Variants in LRRTM4 observed in about 807,000 individuals in gnomAD.
LRRTM4 encodes the protein leucine-rich repeat transmembrane neuronal protein 4.
In LRRTM4, 25 loss-of-function variants were observed where a neutral mutation model predicts 47.6. The observed-to-expected ratio is 0.53, with a 90% CI of 0.38 to 0.73. The LOEUF (loss-of-function observed/expected upper bound fraction) is 0.73. Ranked by LOEUF, LRRTM4 falls within the 30% of genes least tolerant of loss-of-function variation. The pLI is 0.00. For synonymous variants in LRRTM4, 311 were observed against 269.5 expected, an observed-to-expected ratio of 1.15 and a Z score of -1.51; for missense variants, 638 against 713.4, an observed-to-expected ratio of 0.89 and a Z score of 1.20.
At position 76,875,158 on chromosome 2, in the gene LRRTM4, ATATTT is replaced by A. The variant is rs577225171; in HGVS notation, c.1552-126247_1552-126243del. Among the ~76,000 whole-genome samples the A allele has an allele frequency of 1.1e-3, 161 of 152,240 alleles. 1 individual carries two copies. The highest frequency in any genetic ancestry group is 3.6e-3 in the African/African-American group (148 of 41,572). On this transcript the variant is annotated intron_variant, in intron 3 of 3. Coordinates refer to ENST00000409884, the MANE Select transcript of LRRTM4 (RefSeq NM_001134745.3). ...TAGCCACAGGTTCACTAAAGGACAA[ATATTT>A]TATTTTACTTTTCAATAATGCACAT...
intron 3 of LRRTM4, among the ~76,000 whole-genome samples, chr2:77,114,500 C>A (rs1205011106): frequency 6.6e-6 from 1 of 152,130 alleles, no homozygotes; most frequent in Non-Finnish European, 1.5e-5. Context: ...TTCTGTGGAC[C>A]AGACAGACGA....
At chr2:76,924,013 G>A (rs956988045) in intron 3 of LRRTM4, among the ~76,000 whole-genome samples, 2 of 151,944 alleles carry the variant, frequency 1.3e-5, no homozygotes, top group African/African-American at 4.8e-5. Context: ...TTTCATTTAG[G>A]TTTCTTTCTT....
At chr2:77,041,621 C>CTCA (rs1481620593) in intron 3 of LRRTM4, among the ~76,000 whole-genome samples, 1 of 151,236 alleles carries the variant, frequency 6.6e-6, no homozygotes, top group Non-Finnish European at 1.5e-5. Flanking sequence ...GAGATGCTAT[C>CTCA]TCATTTGATT....
At chr2:76,758,257 C>T (rs1673132720) in intron 3 of LRRTM4, among the ~76,000 whole-genome samples, 1 of 152,068 alleles carries the variant, frequency 6.6e-6, no homozygotes, top group Admixed American at 6.6e-5. Flanking sequence ...CAGTAAAACC[C>T]AGGAAATTAG....
At chr2:77,109,080 C>T (rs1671178608) in intron 3 of LRRTM4, among the ~76,000 whole-genome samples, 1 of 152,030 alleles carries the variant, frequency 6.6e-6, no homozygotes, top group Non-Finnish European at 1.5e-5. Context: ...AATGAATTCC[C>T]CAAGGTAACA....
chr2:76,903,885 C>G (rs1673729564), intron 3 of LRRTM4, among the ~76,000 whole-genome samples: 1 of 152,040 alleles, frequency 6.6e-6, no homozygotes, highest in South Asian at 2.1e-4. Flanking sequence ...TAATGGGAAC[C>G]CTTGATGGAC....
At chr2:77,288,043 C>G (rs1371442784) in intron 3 of LRRTM4, among the ~76,000 whole-genome samples, 3 of 151,850 alleles carry the variant, frequency 2.0e-5, no homozygotes. Flanking sequence ...CAACATTGGT[C>G]TATGGTTAGA....
chr2:76,779,790 T>C (rs989042348), intron 3 of LRRTM4, among the ~76,000 whole-genome samples: 1 of 152,220 alleles, frequency 6.6e-6, no homozygotes, highest in East Asian at 1.9e-4. Flanking sequence ...TTGTGTGAAT[T>C]TGATCTTATC....
chr2:77,154,519 G>A (rs1558608062), intron 3 of LRRTM4, among the ~76,000 whole-genome samples: 1 of 152,020 alleles, frequency 6.6e-6, no homozygotes, highest in African/African-American at 2.4e-5. Flanking sequence ...TAAAACTGCT[G>A]AAACAAGTAT....
chr2:77,447,872 C>T (rs1288232274), intron 3 of LRRTM4, among the ~76,000 whole-genome samples: 1 of 152,112 alleles, frequency 6.6e-6, no homozygotes, highest in Admixed American at 6.6e-5. Context: ...TTGGATTTAG[C>T]TCACTGTTTC....
At chr2:76,989,602 T>G (rs1005140195) in intron 3 of LRRTM4, among the ~76,000 whole-genome samples, 4 of 151,818 alleles carry the variant, frequency 2.6e-5, no homozygotes, top group Non-Finnish European at 5.9e-5. Context: ...TTGCAATGAA[T>G]AGTTAGCCTG....
At chr2:77,186,962 A>G (rs1400983864) in intron 3 of LRRTM4, among the ~76,000 whole-genome samples, 2 of 152,128 alleles carry the variant, frequency 1.3e-5, no homozygotes, top group Non-Finnish European at 2.9e-5. Flanking sequence ...AAGACGAACT[A>G]GGGCTAGATA....
At chr2:76,759,797 G>T (rs564216476) in intron 3 of LRRTM4, among the ~76,000 whole-genome samples, 1 of 152,044 alleles carries the variant, frequency 6.6e-6, no homozygotes, top group Non-Finnish European at 1.5e-5. Flanking sequence ...GAGTTTCAGC[G>T]TAAATGTCAT....
At chr2:77,334,552 GT>G (rs1185677865) in intron 3 of LRRTM4, among the ~76,000 whole-genome samples, 1 of 152,150 alleles carries the variant, frequency 6.6e-6, no homozygotes. Flanking sequence ...CACATAAGAT[GT>G]GACTTACTCC....
At chr2:77,131,405 T>C (rs545839106) in intron 3 of LRRTM4, among the ~76,000 whole-genome samples, 1 of 152,302 alleles carries the variant, frequency 6.6e-6, no homozygotes, top group East Asian at 1.9e-4. Flanking sequence ...CACTGACTAA[T>C]TGGCTCTGAT....
At chr2:77,235,103 G>A (rs1675067979) in intron 3 of LRRTM4, among the ~76,000 whole-genome samples, 1 of 152,114 alleles carries the variant, frequency 6.6e-6, no homozygotes, top group Admixed American at 6.6e-5. Context: ...TGGTGGATAT[G>A]TACCACATTT....
At chr2:77,517,645 A>C (rs1679261095) in intron 3 of LRRTM4, 1 of 981,822 alleles carries the variant, frequency 1.0e-6, no homozygotes, top group South Asian at 4.7e-5. Context: ...AAAAAGAAGG[A>C]AGAGAAAGGA....
chr2:77,385,242 C>A (rs1214626662), intron 3 of LRRTM4, among the ~76,000 whole-genome samples: 1 of 151,906 alleles, frequency 6.6e-6, no homozygotes, highest in Non-Finnish European at 1.5e-5. Context: ...TCTAATGAAC[C>A]ACTTGATTTT....
At chr2:76,799,115 T>C (rs1475291163) in intron 3 of LRRTM4, among the ~76,000 whole-genome samples, 1 of 146,292 alleles carries the variant, frequency 6.8e-6, no homozygotes, top group Admixed American at 6.8e-5. Flanking sequence ...GCCAGCATCA[T>C]TCTGATACCA....
Sources: gnomAD v4.1 joint callset for allele counts (sites outside exome capture counted in the v4.1 genomes callset) on GRCh38, gnomAD v4.1.1 for gene constraint, MANE v1.5 for transcripts, NCBI Gene and HGNC (gene_info 2026-07-23, HGNC 2026-07-21) for gene names.